SETD7: variants seen among roughly 807,000 people sequenced by gnomAD.
The protein encoded by SETD7 is histone-lysine N-methyltransferase SETD7.
Under a neutral mutation model 41.8 loss-of-function variants are expected in SETD7, and 16 were observed. The ratio of observed to expected loss-of-function variants is 0.38; its 90% CI spans 0.26 to 0.58. The LOEUF (loss-of-function observed/expected upper bound fraction) is 0.58, where lower values mean the gene tolerates loss of function less well. Among genes scored for constraint, SETD7 ranks in the 20% least tolerant of loss-of-function variants. The probability of loss-of-function intolerance (pLI) is 0.64; values close to 1 mark genes in which losing one functional copy is unlikely to be tolerated. For synonymous variants in SETD7, 163 were observed against 169.7 expected (o/e 0.96, Z 0.31); for missense variants, 346 against 459.7 (o/e 0.75, Z 2.26).
intron 1 of SETD7, among the ~76,000 whole-genome samples, chr4:139,554,111 G>C (rs1419455433): frequency 6.6e-6 from 1 of 152,206 alleles, no homozygotes; most frequent in African/African-American, 2.4e-5. Flanking sequence ...GATTGCCCCA[G>C]ACATTCAAGG....
At chr4:139,547,601 T>A (rs1208695971) in intron 1 of SETD7, among the ~76,000 whole-genome samples, 1 of 152,230 alleles carries the variant, frequency 6.6e-6, no homozygotes, top group Non-Finnish European at 1.5e-5. Context: ...AGTCTGAAAA[T>A]CTCACTGTTA....
chr4:139,540,202 G>C (rs1042386011), intron 2 of SETD7, among the ~76,000 whole-genome samples: 19 of 152,186 alleles, frequency 1.2e-4, no homozygotes, highest in African/African-American at 4.6e-4. Context: ...TACAAATTAA[G>C]TAAATGGAAG....
chr4:139,544,409 G>A (rs1347294077), intron 2 of SETD7, among the ~76,000 whole-genome samples: 2 of 152,086 alleles, frequency 1.3e-5, no homozygotes, highest in African/African-American at 4.8e-5. Flanking sequence ...ATAGTTACTG[G>A]GCTAGTGCTG....
At chr4:139,529,841 T>C (rs1221381685) in intron 3 of SETD7, among the ~76,000 whole-genome samples, 1 of 152,216 alleles carries the variant, frequency 6.6e-6, no homozygotes, top group African/African-American at 2.4e-5. Context: ...CCATCACCTT[T>C]TTTAGAATTA....
intron 2 of SETD7, among the ~76,000 whole-genome samples, chr4:139,534,517 T>C (rs1411467198): frequency 6.6e-6 from 1 of 152,060 alleles, no homozygotes; most frequent in Non-Finnish European, 1.5e-5. Context: ...GCCTCCCAAG[T>C]AGCTGGGACC....
chr4:139,544,528 A>G (rs1019997928), intron 2 of SETD7, among the ~76,000 whole-genome samples: 1 of 152,096 alleles, frequency 6.6e-6, no homozygotes, highest in East Asian at 1.9e-4. Context: ...GCTAGAAGTT[A>G]CTAGCTGGAT....
intron 2 of SETD7, among the ~76,000 whole-genome samples, chr4:139,540,413 G>A (rs939853442): frequency 2.6e-5 from 4 of 152,232 alleles, no homozygotes; most frequent in Non-Finnish European, 4.4e-5. Flanking sequence ...AAGAAAGGCA[G>A]TCAGGCCCAC....
downstream of SETD7, among the ~76,000 whole-genome samples, chr4:139,502,493 G>T (rs78428331): frequency 0.016 from 2,510 of 152,300 alleles, 77 homozygotes; most frequent in African/African-American, 0.056. Flanking sequence ...GGCAAGCCTG[G>T]CTCTCCTGGA....
rs75655046 is a variant in SETD7 at position 139,498,220 on chromosome 4, C to A, written c.921-1699G>T. 9.5e-3 allele frequency among the ~76,000 whole-genome samples: 1,449 copies of A among 152,302 alleles called. 15 individuals are homozygous for A. Among genetic ancestry groups the A allele is most frequent in the Non-Finnish European group, 0.016 (1,109 of 68,020 alleles). On this transcript the variant is annotated intron_variant, in intron 7 of 7. Transcript: ENST00000506866. ...TGTGGGCTCTGGAGGGACTGCCCCC[C>A]ACCCAGGGCTAGCTGATTCCTAGAG...
Position 139,508,241 on chromosome 4 carries a change from C to T in SETD7, c.*3422G>A, listed in dbSNP as rs1258000618. ...TAGTTTTTCGAGTGTGAAGAACCCC[C>T]ATAGGGCAAATAGGTTTAACTACAG... On this transcript the variant is annotated 3_prime_UTR_variant, in exon 8 of 8. Coordinates refer to ENST00000274031, the MANE Select transcript of SETD7 (RefSeq NM_030648.4). 1 of 152,122 alleles carries T rather than the reference C, an allele frequency of 6.6e-6. No individual in the cohort carries two copies. The highest frequency in any genetic ancestry group is 1.5e-5 in the Non-Finnish European group (1 of 68,018). The allele number at this position is 152,122 out of a possible 1,614,324, so 9.4% of individuals were successfully genotyped here. A position where few individuals can be genotyped will look rare whatever the true frequency, so the allele number is the denominator to read the frequency against.
intron 7 of SETD7, among the ~76,000 whole-genome samples, chr4:139,514,148 G>C (rs1726954716): frequency 6.6e-6 from 1 of 152,142 alleles, no homozygotes. Context: ...GCCAGGGGTG[G>C]TGGTGTGCAC....
downstream of SETD7, among the ~76,000 whole-genome samples, chr4:139,494,485 A>G (rs749664537): frequency 9.2e-5 from 14 of 152,238 alleles, no homozygotes; most frequent in Non-Finnish European, 1.9e-4. Context: ...GCCTTCTAAA[A>G]TATGGGAGGA....
chr4:139,527,907 A>T (rs1315416572), intron 4 of SETD7, among the ~76,000 whole-genome samples: 3 of 152,212 alleles, frequency 2.0e-5, no homozygotes, highest in African/African-American at 7.2e-5. Context: ...CCCAAATTGG[A>T]CCTAAATATA....
intron 7 of SETD7, 46 bp from the exon 8 acceptor site, chr4:139,511,889 G>A (rs377405847): frequency 8.1e-5 from 127 of 1,572,090 alleles, no homozygotes; most frequent in Non-Finnish European, 1.0e-4. Context: ...AGACCAGGAG[G>A]TTGGAAGCAA....
At chr4:139,547,196 T>A (rs1727985426) in intron 1 of SETD7, 147 bp from the exon 2 acceptor site, 6 of 984,112 alleles carry the variant, frequency 6.1e-6, no homozygotes, top group Non-Finnish European at 8.9e-6. Context: ...GAAAGGGTAG[T>A]CAGCGTGCAA....
At position 139,555,973 on chromosome 4, in the gene SETD7, C is replaced by T; in HGVS notation, c.40+125G>A. 2 of 870,628 alleles carry T rather than the reference C, an allele frequency of 2.3e-6. No homozygotes were observed. The highest frequency in any genetic ancestry group is 1.8e-5 in the African/African-American group (1 of 56,872). 53.9% of individuals were successfully genotyped at this position (870,628 alleles called of 1,614,324 possible). A position where few individuals can be genotyped will look rare whatever the true frequency, so the allele number is the denominator to read the frequency against. On this transcript the variant is annotated intron_variant, in intron 1 of 7. Transcript: ENST00000274031. This position sits in a 1 kb window ranked among gnomAD's most constrained non-coding sequence, Gnocchi z 4.0. ...CGGGCCCCCGCCCGAGCCGGGCAAC[C>T]GGCCACCCGTGTAGGGGACAGTGGC...
At chr4:139,500,157 T>C (rs973638373) in intron 7 of SETD7, among the ~76,000 whole-genome samples, 1 of 152,240 alleles carries the variant, frequency 6.6e-6, no homozygotes, top group Non-Finnish European at 1.5e-5. Flanking sequence ...ATTTGTCTCC[T>C]GATCTGTTGG....
At position 139,543,676 on chromosome 4, in the gene SETD7, G is replaced by T. The variant is rs188334217; in HGVS notation, c.170+3244C>A. Among the ~76,000 whole-genome samples the T allele has an allele frequency of 2.0e-4, 30 of 152,102 alleles. No homozygotes were observed. The East Asian group carries it at 5.2e-3, about 26-fold the overall frequency. On this transcript the variant is annotated intron_variant, in intron 2 of 7. Coordinates refer to ENST00000274031, the MANE Select transcript of SETD7 (RefSeq NM_030648.4). ...GATATAAAAATTAGTGAATTGGGTG[G>T]GCGTAGTGGCTCACACCCGTAATCC...
At chr4:139,513,295 CT>C (rs1560676333) in intron 7 of SETD7, among the ~76,000 whole-genome samples, 1 of 151,866 alleles carries the variant, frequency 6.6e-6, no homozygotes, top group African/African-American at 2.4e-5. Flanking sequence ...TGGCGCACAC[CT>C]GTAATCCCAG....
Sources: gnomAD v4.1 joint callset for allele counts (sites outside exome capture counted in the v4.1 genomes callset) on GRCh38, gnomAD v4.1.1 for gene constraint, Gnocchi (gnomAD v3.1) non-coding constraint, MANE v1.5 for transcripts, NCBI Gene and HGNC (gene_info 2026-07-23, HGNC 2026-07-21) for gene names.